Variants in GLI2 observed in about 807,000 individuals in gnomAD.
GLI2 encodes transcription activator GLI2.
GLI2 carries 22 observed loss-of-function variants against 78.9 expected under a neutral mutation model. That is an observed-to-expected ratio of 0.28 (90% CI 0.20 to 0.40). GLI2 has a LOEUF of 0.40. Among genes scored for constraint, GLI2 ranks in the 10% least tolerant of loss-of-function variants. The pLI is 1.00. For synonymous variants in GLI2, 974 were observed against 963.7 expected, an observed-to-expected ratio of 1.01 and a Z score of -0.20; for missense variants, 2,097 against 2,213.2, an observed-to-expected ratio of 0.95 and a Z score of 1.05.
intron 2 of GLI2, among the ~76,000 whole-genome samples, chr2:120,892,413 T>C (rs13383037): frequency 0.21 from 31,994 of 152,134 alleles, 5,110 homozygotes; most frequent in African/African-American, 0.45. Flanking sequence ...GAAAAGTGGG[T>C]GCATAAATCC....
intron 2 of GLI2, among the ~76,000 whole-genome samples, chr2:120,857,277 CCATT>C (rs1359641508): frequency 6.6e-6 from 1 of 152,032 alleles, no homozygotes; most frequent in East Asian, 1.9e-4. Context: ...GAGCTTCCAT[CCATT>C]CAACCACCCA....
chr2:120,844,634 G>A (rs879752042), intron 2 of GLI2, among the ~76,000 whole-genome samples: 1 of 152,162 alleles, frequency 6.6e-6, no homozygotes, highest in Non-Finnish European at 1.5e-5. Flanking sequence ...CTGAATTCTA[G>A]TTAGAAAGGA....
At chr2:120,955,212 C>A in intron 4 of GLI2, 33 bp from the exon 5 acceptor site, 9 of 715,958 alleles carry the variant, frequency 1.3e-5, no homozygotes, top group African/African-American at 2.3e-5. Context: ...GTGCCAGGTT[C>A]TGACGGCTTC....
chr2:120,849,374 T>C (rs1276244420), intron 2 of GLI2, among the ~76,000 whole-genome samples: 1 of 152,238 alleles, frequency 6.6e-6, no homozygotes, highest in African/African-American at 2.4e-5. Flanking sequence ...TGTCGTTGAT[T>C]CCTCTCTTCC....
At chr2:120,808,878 T>A (rs1685089691) in intron 2 of GLI2, among the ~76,000 whole-genome samples, 1 of 152,072 alleles carries the variant, frequency 6.6e-6, no homozygotes, top group Non-Finnish European at 1.5e-5. Flanking sequence ...CCTGAGGCCG[T>A]TTGTGTCTTC....
chr2:120,822,649 T>C (rs572598872), intron 2 of GLI2, among the ~76,000 whole-genome samples: 1 of 152,322 alleles, frequency 6.6e-6, no homozygotes, highest in South Asian at 2.1e-4. Flanking sequence ...CTTCCCTGAT[T>C]CCACCTCCCA....
At chr2:120,975,263 T>G (rs533097913) in intron 9 of GLI2, among the ~76,000 whole-genome samples, 154 bp downstream of exon 9, 2 of 152,356 alleles carry the variant, frequency 1.3e-5, no homozygotes, top group African/African-American at 4.8e-5. Context: ...GGAGGCATAA[T>G]TACTTATGTG....
At chr2:120,865,127 GGGAGC>G (rs752695557) in intron 2 of GLI2, among the ~76,000 whole-genome samples, 9 of 152,154 alleles carry the variant, frequency 5.9e-5, no homozygotes, top group Non-Finnish European at 1.2e-4. Flanking sequence ...TCCGGGGCTG[GGGAGC>G]CCGAGCCAGG....
At chr2:120,984,217 C>T (rs985368051) in intron 11 of GLI2, among the ~76,000 whole-genome samples, 7 of 152,156 alleles carry the variant, frequency 4.6e-5, no homozygotes, top group African/African-American at 1.7e-4. Context: ...CATGTGTCCC[C>T]AGCTTCTTGT....
chr2:120,973,321 A>G (rs958636752), intron 8 of GLI2, among the ~76,000 whole-genome samples: 1 of 152,222 alleles, frequency 6.6e-6, no homozygotes, highest in Non-Finnish European at 1.5e-5. Context: ...AAAGGCAAGG[A>G]CAGGGCCGGC....
intron 3 of GLI2, among the ~76,000 whole-genome samples, chr2:120,941,704 A>T (rs1680455357): frequency 6.6e-6 from 1 of 152,206 alleles, no homozygotes; most frequent in African/African-American, 2.4e-5. Flanking sequence ...CAACAGCAAA[A>T]AGGTCCCAGT....
At chr2:120,815,453 G>C (rs1685448125) in intron 2 of GLI2, among the ~76,000 whole-genome samples, 1 of 152,154 alleles carries the variant, frequency 6.6e-6, no homozygotes, top group African/African-American at 2.4e-5. Flanking sequence ...AGCATTGCCT[G>C]CCCCGCCAGC....
chr2:120,971,537 T>C (rs2105023708), intron 7 of GLI2, among the ~76,000 whole-genome samples: 1 of 152,332 alleles, frequency 6.6e-6, no homozygotes, highest in South Asian at 2.1e-4. Flanking sequence ...TAGCCCCTTC[T>C]CCTGAGGAAC....
chr2:120,971,887 G>A, intron 7 of GLI2, 54 bp from the exon 8 acceptor site: 1 of 1,579,864 alleles, frequency 6.3e-7, no homozygotes, highest in Non-Finnish European at 8.7e-7. Context: ...AAAAAATTTG[G>A]GATATCCCTG....
At chr2:120,846,335 A>C (rs927588490) in intron 2 of GLI2, among the ~76,000 whole-genome samples, 1 of 152,122 alleles carries the variant, frequency 6.6e-6, no homozygotes, top group Admixed American at 6.5e-5. Context: ...AGCAAAAATC[A>C]CTCAGAAGAG....
chr2:120,933,872 C>CCCTGA lies in GLI2; in HGVS notation c.254+6410_254+6411insACCTG, dbSNP rs1417678481. Among the ~76,000 whole-genome samples the CCCTGA allele has an allele frequency of 5.7e-4, 81 of 143,298 alleles. 1 individual carries two copies. The highest frequency in any genetic ancestry group is 8.9e-4 in the Non-Finnish European group (58 of 65,254). 94.0% of individuals were successfully genotyped at this position (143,298 alleles called of 152,430 possible). On this transcript the variant is annotated intron_variant, in intron 3 of 13. Coordinates refer to ENST00000361492, the MANE Select transcript of GLI2 (RefSeq NM_001374353.1). ...CCCTGCCCTGCCCTGCCCTGCCCTG[C>CCCTGA]CCTGCCCTGCCCTGCCCTGGGGCTT...
intron 2 of GLI2, among the ~76,000 whole-genome samples, chr2:120,824,337 G>T (rs1685934234): frequency 6.6e-6 from 1 of 152,238 alleles, no homozygotes; most frequent in Admixed American, 6.5e-5. Context: ...TTGCCCCTTG[G>T]CCAGGGGGAC....
intron 1 of GLI2, among the ~76,000 whole-genome samples, chr2:120,783,155 G>A (rs115208083): frequency 0.02 from 2,999 of 152,322 alleles, 46 homozygotes; most frequent in Middle Eastern, 0.044. Flanking sequence ...CTCTGGGGCA[G>A]GGGAACTGGC....
At chr2:120,964,599 C>T (rs1234497774) in intron 5 of GLI2, among the ~76,000 whole-genome samples, 2 of 152,186 alleles carry the variant, frequency 1.3e-5, no homozygotes, top group Admixed American at 6.5e-5. Flanking sequence ...GGCCGACTCC[C>T]GGGTCTCCCG....
Sources: allele counts gnomAD v4.1 joint callset (sites outside exome capture counted in the v4.1 genomes callset), GRCh38; gene constraint gnomAD v4.1.1; transcripts MANE v1.5; gene names NCBI Gene and HGNC (gene_info 2026-07-23, HGNC 2026-07-21).